The following NCALD variants were observed in gnomAD, a reference collection of about 807,000 sequenced individuals.
The protein encoded by NCALD is neurocalcin-delta.
A neutral mutation model predicts 18.6 loss-of-function variants in NCALD; 10 were observed. The observed-to-expected ratio is 0.54, with a 90% CI of 0.33 to 0.91. The LOEUF is 0.91. Among genes scored for constraint, NCALD ranks in the 40% least tolerant of loss-of-function variants. The pLI, the probability that NCALD is intolerant of heterozygous loss-of-function variation, is 0.03. For missense variants in NCALD, 184 were observed against 247.6 expected, an observed-to-expected ratio of 0.74 and a Z score of 1.72; for synonymous variants, 88 against 87.4, an observed-to-expected ratio of 1.01 and a Z score of -0.04.
At chr8:101,743,906 G>T (rs1238976801) in intron 1 of NCALD, among the ~76,000 whole-genome samples, 1 of 152,202 alleles carries the variant, frequency 6.6e-6, no homozygotes, top group African/African-American at 2.4e-5. Flanking sequence ...ATCCCTTCGG[G>T]CCAAGGCTCG....
intron 4 of NCALD, among the ~76,000 whole-genome samples, chr8:101,826,921 AC>A (rs1266200119): frequency 1.3e-5 from 2 of 152,186 alleles, no homozygotes; most frequent in African/African-American, 4.8e-5. Flanking sequence ...AGGATAAATG[AC>A]CACACAAGAA....
intron 2 of NCALD, among the ~76,000 whole-genome samples, chr8:101,928,256 C>T (rs1309605749): frequency 6.6e-6 from 1 of 152,140 alleles, no homozygotes; most frequent in Non-Finnish European, 1.5e-5. Context: ...GGTAGAAGAA[C>T]TAGGATTTAT....
intron 2 of NCALD, among the ~76,000 whole-genome samples, chr8:101,941,982 C>G (rs1467436198): frequency 6.6e-6 from 1 of 152,140 alleles, no homozygotes; most frequent in Non-Finnish European, 1.5e-5. Flanking sequence ...TCATCTTTTT[C>G]TCAGAGGAAA....
intron 2 of NCALD, among the ~76,000 whole-genome samples, chr8:101,943,309 T>A (rs1819029113): frequency 6.6e-6 from 1 of 152,200 alleles, no homozygotes; most frequent in African/African-American, 2.4e-5. Context: ...TATCATTTTT[T>A]AAAACTCAAC....
At chr8:102,019,495 C>A (rs1356363817) in intron 2 of NCALD, among the ~76,000 whole-genome samples, 2 of 152,064 alleles carry the variant, frequency 1.3e-5, no homozygotes, top group Admixed American at 1.3e-4. Flanking sequence ...AATAGAAAAC[C>A]TAAATAAATC....
chr8:102,064,140 G>C (rs73279682), intron 1 of NCALD, among the ~76,000 whole-genome samples: 25,652 of 152,220 alleles, frequency 0.17, 2,593 homozygotes, highest in African/African-American at 0.27. Flanking sequence ...AAATGCAACT[G>C]TGTTTGCCTT....
intron 1 of NCALD, chr8:101,780,079 CTTTT>C (rs1402487519): frequency 6.6e-6 from 1 of 151,966 alleles, no homozygotes; most frequent in Admixed American, 6.6e-5. Context: ...TGTTTCTTTT[CTTTT>C]TCATATTCTT....
At chr8:101,751,149 C>G (rs551738715) in intron 1 of NCALD, among the ~76,000 whole-genome samples, 1 of 152,272 alleles carries the variant, frequency 6.6e-6, no homozygotes, top group South Asian at 2.1e-4. Flanking sequence ...CAATGGAATA[C>G]TATCCAGCCT....
intron 4 of NCALD, among the ~76,000 whole-genome samples, chr8:101,812,623 G>A (rs1053088009): frequency 6.6e-6 from 1 of 152,184 alleles, no homozygotes; most frequent in Non-Finnish European, 1.5e-5. Flanking sequence ...ACCCTCATCA[G>A]AGGAAAAGAA....
At chr8:101,987,413 T>C (rs1348024563) in intron 2 of NCALD, among the ~76,000 whole-genome samples, 2 of 152,194 alleles carry the variant, frequency 1.3e-5, no homozygotes, top group Non-Finnish European at 2.9e-5. Flanking sequence ...ATGTATGTAA[T>C]ATCCAACCAT....
intron 1 of NCALD, among the ~76,000 whole-genome samples, chr8:102,096,759 G>A (rs62523044): frequency 0.023 from 3,542 of 152,278 alleles, 74 homozygotes; most frequent in Non-Finnish European, 0.036. Context: ...TCTGTATCTG[G>A]GCTCTTGAGC....
intron 1 of NCALD, among the ~76,000 whole-genome samples, chr8:101,726,932 G>A (rs1228788432): frequency 6.6e-6 from 1 of 152,188 alleles, no homozygotes; most frequent in Non-Finnish European, 1.5e-5. Context: ...ATGGCATTTA[G>A]GCTCTGGGAG....
chr8:102,017,563 T>G (rs1822129483), intron 2 of NCALD, among the ~76,000 whole-genome samples: 1 of 152,018 alleles, frequency 6.6e-6, no homozygotes, highest in African/African-American at 2.4e-5. Context: ...GGTGTGGTGG[T>G]GGGCACCTGC....
intron 4 of NCALD, among the ~76,000 whole-genome samples, chr8:101,805,491 C>T (rs1410875559): frequency 6.6e-6 from 1 of 152,156 alleles, no homozygotes; most frequent in East Asian, 1.9e-4. Flanking sequence ...TCGTATTGCC[C>T]TCAATGCAGC....
intron 3 of NCALD, chr8:101,691,255 C>A: frequency 2.0e-6 from 2 of 985,318 alleles, no homozygotes; most frequent in Non-Finnish European, 2.4e-6. Flanking sequence ...CTCCCACCCC[C>A]CTCTCCCAAC....
At chr8:101,817,238 C>T (rs1813532399) in intron 4 of NCALD, among the ~76,000 whole-genome samples, 1 of 152,134 alleles carries the variant, frequency 6.6e-6, no homozygotes, top group African/African-American at 2.4e-5. Flanking sequence ...AACACAGAAT[C>T]AACTTTCTCC....
intron 4 of NCALD, among the ~76,000 whole-genome samples, chr8:101,875,881 G>C (rs1816208157): frequency 6.6e-6 from 1 of 152,198 alleles, no homozygotes; most frequent in African/African-American, 2.4e-5. Flanking sequence ...ATCCCAAGTG[G>C]AACATCTCTC....
chr8:101,999,535 G>A (rs1221959847), intron 2 of NCALD, among the ~76,000 whole-genome samples: 2 of 152,116 alleles, frequency 1.3e-5, no homozygotes, highest in East Asian at 1.9e-4. Context: ...GTAGGGAGGT[G>A]AGGAATAAAA....
chr8:101,691,680 G>T, intron 3 of NCALD: 2 of 985,364 alleles, frequency 2.0e-6, no homozygotes, highest in Non-Finnish European at 2.4e-6. Context: ...TTTCCAAATG[G>T]AATGGCACCT....
Sources: allele counts gnomAD v4.1 joint callset (sites outside exome capture counted in the v4.1 genomes callset), GRCh38; gene constraint gnomAD v4.1.1; transcripts MANE v1.5; gene names NCBI Gene and HGNC (gene_info 2026-07-23, HGNC 2026-07-21).